Variants in EPHA6 observed in about 807,000 individuals in gnomAD.
EPHA6 encodes ephrin type-A receptor 6.
EPHA6 carries 50 observed loss-of-function variants against 112.0 expected under a neutral mutation model. That is an observed-to-expected ratio of 0.45 (90% CI 0.36 to 0.56). EPHA6 has a LOEUF of 0.56. EPHA6 is among the 20% of genes least tolerant of loss of function. The pLI, the probability that EPHA6 is intolerant of heterozygous loss-of-function variation, is 0.00. For synonymous variants in EPHA6, 529 were observed against 490.7 expected (o/e 1.08, Z -1.03); for missense variants, 1,280 against 1,417.4 (o/e 0.90, Z 1.56).
intron 6 of EPHA6, among the ~76,000 whole-genome samples, chr3:97,407,380 T>C (rs1470668124): frequency 7.1e-6 from 1 of 141,326 alleles, no homozygotes; most frequent in Non-Finnish European, 1.5e-5. Context: ...ACACACCTTT[T>C]TAAAATACCT....
intron 14 of EPHA6, among the ~76,000 whole-genome samples, chr3:97,709,070 T>A (rs2033829302): frequency 6.7e-6 from 1 of 149,762 alleles, no homozygotes; most frequent in East Asian, 2.0e-4. Flanking sequence ...TAGTCCCTAC[T>A]GGGGCACTGC....
chr3:96,901,464 A>G (rs1279565697), intron 2 of EPHA6, among the ~76,000 whole-genome samples: 2 of 151,390 alleles, frequency 1.3e-5, no homozygotes, highest in African/African-American at 4.9e-5. Flanking sequence ...AGATGGGAAA[A>G]TCTGGGAAAA....
At chr3:97,691,272 G>T (rs1379118726) in intron 14 of EPHA6, among the ~76,000 whole-genome samples, 1 of 152,116 alleles carries the variant, frequency 6.6e-6, no homozygotes, top group Non-Finnish European at 1.5e-5. Flanking sequence ...TTTAGTTTTA[G>T]ACTCTCAATT....
At position 96,814,645 on chromosome 3, in the gene EPHA6, G is replaced by C. The variant is rs1354000089; in HGVS notation, c.22G>C (p.Ala8Pro). The change falls in exon 1 of 18, where the codon GCC (alanine) becomes CCC (proline). Residue 8 changes from alanine to proline, a missense_variant. This residue lies in a region of EPHA6 where 220 missense variants were observed against 171.5 expected (regional missense o/e 1.28). Transcript: ENST00000389672. MQFPSPP[A>P]ARSSPAPQAA... ...GTGGATGCAATTCCCCTCGCCTCCA[G>C]CCGCGAGGAGCTCCCCGGCGCCGCA... 3 of 1,474,078 alleles carry C rather than the reference G, an allele frequency of 2.0e-6. No individual in the cohort carries two copies. In the East Asian group the frequency reaches 7.1e-5, roughly 35 times the overall value. The allele number at this position is 1,474,078 out of a possible 1,614,324, so 91.3% of individuals were successfully genotyped here.
intron 6 of EPHA6, among the ~76,000 whole-genome samples, chr3:97,433,199 GGTAT>G (rs1169038101): frequency 6.6e-6 from 1 of 152,062 alleles, no homozygotes; most frequent in Non-Finnish European, 1.5e-5. Flanking sequence ...GATGAGCACA[GGTAT>G]GTAAGTTAAT....
chr3:97,051,915 C>T (rs539702793), intron 3 of EPHA6, among the ~76,000 whole-genome samples: 9 of 152,100 alleles, frequency 5.9e-5, no homozygotes, highest in African/African-American at 1.9e-4. Flanking sequence ...ATACTCGATC[C>T]GCTAGCCATA....
chr3:97,213,420 A>G (rs1427449608), intron 3 of EPHA6, among the ~76,000 whole-genome samples: 2 of 152,066 alleles, frequency 1.3e-5, no homozygotes, highest in Non-Finnish European at 2.9e-5. Context: ...CACCATCACC[A>G]TGTGATTGCT....
chr3:97,587,926 TCTTA>T, intron 11 of EPHA6, among the ~76,000 whole-genome samples: 1 of 152,250 alleles, frequency 6.6e-6, no homozygotes, highest in Admixed American at 6.5e-5. Flanking sequence ...TTTACTTCAT[TCTTA>T]CTTTGGCATT....
At chr3:97,128,920 C>T (rs747006358) in intron 3 of EPHA6, among the ~76,000 whole-genome samples, 72 of 144,058 alleles carry the variant, frequency 5.0e-4, no homozygotes, top group Non-Finnish European at 7.0e-4. Context: ...GTCACCCAGG[C>T]TGAAGTGCAG....
At chr3:97,716,574 C>CAAAAAAAAAAA (rs1218426459) in intron 14 of EPHA6, among the ~76,000 whole-genome samples, 1 of 37,258 alleles carries the variant, frequency 2.7e-5, no homozygotes, top group Non-Finnish European at 4.9e-5. Context: ...GACTCCGTCT[C>CAAAAAAAAAAA]AAAAAAAAAA....
At chr3:97,173,322 G>A (rs1003930638) in intron 3 of EPHA6, among the ~76,000 whole-genome samples, 1 of 151,816 alleles carries the variant, frequency 6.6e-6, no homozygotes, top group Non-Finnish European at 1.5e-5. Flanking sequence ...TAAAGAACTA[G>A]TGGAAATGTC....
intron 2 of EPHA6, among the ~76,000 whole-genome samples, chr3:96,934,881 A>T (rs1460057220): frequency 6.7e-6 from 1 of 149,562 alleles, no homozygotes; most frequent in Non-Finnish European, 1.5e-5. Context: ...AGCTTTAAAT[A>T]TTATCTTTGC....
chr3:97,063,773 A>G (rs960035551), intron 3 of EPHA6, among the ~76,000 whole-genome samples: 1 of 152,022 alleles, frequency 6.6e-6, no homozygotes, highest in Non-Finnish European at 1.5e-5. Flanking sequence ...AAAAAAGAAA[A>G]CCCTTCATCT....
At chr3:97,304,531 T>G (rs779824814) in intron 5 of EPHA6, among the ~76,000 whole-genome samples, 36 of 152,052 alleles carry the variant, frequency 2.4e-4, no homozygotes, top group Admixed American at 3.3e-4. Context: ...AGCATGGTAC[T>G]GGCACAAAAA....
intron 5 of EPHA6, among the ~76,000 whole-genome samples, chr3:97,292,237 G>A (rs928064804): frequency 5.3e-5 from 8 of 152,252 alleles, no homozygotes; most frequent in South Asian, 2.1e-4. Flanking sequence ...GTGTTACGGC[G>A]TGTCAGAGCC....
intron 14 of EPHA6, chr3:97,648,422 G>T: frequency 6.8e-7 from 1 of 1,478,760 alleles, no homozygotes. Flanking sequence ...AGCAGCATGA[G>T]GGGAAGGTAT....
intron 3 of EPHA6, among the ~76,000 whole-genome samples, chr3:97,027,197 T>G (rs1050533959): frequency 6.6e-6 from 1 of 152,022 alleles, no homozygotes. Flanking sequence ...AACAGAAAAC[T>G]AAATACCGCA....
intron 5 of EPHA6, among the ~76,000 whole-genome samples, chr3:97,269,076 G>T (rs935451193): frequency 4.6e-5 from 7 of 152,138 alleles, no homozygotes; most frequent in Admixed American, 3.9e-4. Flanking sequence ...ACTCAGAGCA[G>T]CATTCCCTGA....
At chr3:97,524,801 C>T (rs576924061) in intron 10 of EPHA6, among the ~76,000 whole-genome samples, 1 of 152,240 alleles carries the variant, frequency 6.6e-6, no homozygotes, top group African/African-American at 2.4e-5. Flanking sequence ...ATGCCACTCC[C>T]TCCTGGCTTG....
Sources: allele counts gnomAD v4.1 joint callset (sites outside exome capture counted in the v4.1 genomes callset), GRCh38; gene constraint gnomAD v4.1.1; regional missense constraint gnomAD v4.1.1; transcripts MANE v1.5; gene names NCBI Gene and HGNC (gene_info 2026-07-23, HGNC 2026-07-21).